IGSF8: variants seen among roughly 807,000 people sequenced by gnomAD.
IGSF8 encodes the protein CD81 partner 3.
A neutral mutation model predicts 55.5 loss-of-function variants in IGSF8; 46 were observed. The ratio of observed to expected loss-of-function variants is 0.83; its 90% CI spans 0.65 to 1.06. The LOEUF (loss-of-function observed/expected upper bound fraction) is 1.06. Among genes scored for constraint, IGSF8 ranks in the 50% least tolerant of loss-of-function variants. The pLI, the probability that IGSF8 is intolerant of heterozygous loss-of-function variation, is 0.00. For synonymous variants in IGSF8, 314 were observed against 356.1 expected (o/e 0.88, Z 1.33); for missense variants, 731 against 832.3 (o/e 0.88, Z 1.50).
At chr1:160,093,583 G>C in intron 3 of IGSF8, 127 bp downstream of exon 3, 1 of 846,080 alleles carries the variant, frequency 1.2e-6, no homozygotes. Context: ...TAGCAAGGCT[G>C]CTCACTCTGT....
chr1:160,096,551 G>A lies in IGSF8; in HGVS notation c.65-1305C>T, dbSNP rs188626217. On this transcript the variant is annotated intron_variant, in intron 1 of 6. Coordinates refer to ENST00000314485, the MANE Select transcript of IGSF8 (RefSeq NM_052868.6). ...CAAACTCTACCCTCCAGCTTCTCTA[G>A]AACGGCTCCTCTGAACTTCCCCACC... is the stretch of plus-strand genomic sequence containing the variant. Among the ~76,000 whole-genome samples the A allele has an allele frequency of 3.9e-5, 6 of 152,326 alleles. No individual in the cohort carries two copies. The East Asian group carries it at 1.2e-3, about 29-fold the overall frequency.
intron 1 of IGSF8, among the ~76,000 whole-genome samples, chr1:160,096,103 C>T (rs994370307): frequency 1.6e-4 from 24 of 152,194 alleles, no homozygotes; most frequent in African/African-American, 5.3e-4. Context: ...TCTCTCCCTT[C>T]AGAAAGGCCA....
Position 160,093,852 on chromosome 1 carries a change from G to A in IGSF8, c.762C>T (p.Arg254=), listed in dbSNP as rs774849330. ...RLGKEGTDRY[R]MVVGGAQAGD... Reference sequence around the variant, plus strand: ...CTGCCTGGGCACCCCCTACTACCATGCGGTACCGATCGGTCCCTTCCTTGC... The same window carrying A: ...CTGCCTGGGCACCCCCTACTACCATACGGTACCGATCGGTCCCTTCCTTGC... The change falls in exon 3 of 7, where the codon CGC becomes CGT. Residue 254 remains arginine (R), a synonymous_variant. Transcript: ENST00000314485. 34 of 1,614,194 alleles carry A rather than the reference G, an allele frequency of 2.1e-5. No homozygotes were observed. The Admixed American group carries it at 2.8e-4, about 13-fold the overall frequency.
At chr1:160,092,230 G>T in intron 5 of IGSF8, 52 bp downstream of exon 5, 1 of 1,558,918 alleles carries the variant, frequency 6.4e-7, no homozygotes, top group African/African-American at 1.4e-5. Flanking sequence ...AAGGCCAGTG[G>T]CAGAGGCCAG....
In IGSF8 at chr1:160,095,211, C is replaced by G. The variant is rs376402367; in HGVS notation, c.100G>C (p.Glu34Gln). 2 of 1,606,528 alleles carry G rather than the reference C, an allele frequency of 1.2e-6. No homozygotes were observed. The highest frequency in any genetic ancestry group is 8.5e-7 in the Non-Finnish European group (1 of 1,179,804). Residue 34 changes from glutamate (E) to glutamine (Q), a missense_variant, in exon 2 of 7, where the codon GAG (glutamate) becomes CAG (glutamine). Glu to Gln is a conservative substitution (Grantham distance 29). Transcript: ENST00000314485. The part of the protein sequence containing the change: ...GCWAREVLVP[E>Q]GPLYRVAGTA... ...CCAGCCACGCGGTACAAGGGCCCCT[C>G]GGGGACCAGCACCTCCCGGGCCCAG... is the stretch of plus-strand genomic sequence containing the variant.
In IGSF8 at chr1:160,093,947, G is replaced by A. The variant is rs149050765; in HGVS notation, c.667C>T (p.Arg223Trp). Reference sequence around the variant, plus strand: ...CCAGCCTCCACGGCCAAGTCTGACCGGATTCCCACCACTTCCTGCAGAGTT... The same window carrying A: ...CCAGCCTCCACGGCCAAGTCTGACCAGATTCCCACCACTTCCTGCAGAGTT... Reference protein sequence around the residue: ...RSTLQEVVGIRSDLAVEAGAP... With the variant: ...RSTLQEVVGIWSDLAVEAGAP... Residue 223 changes from arginine to tryptophan, a missense_variant, in exon 3 of 7, where the codon CGG becomes TGG. Transcript: ENST00000314485. The A allele has an allele frequency of 1.1e-4, 174 of 1,614,238 alleles. 2 individuals are homozygous for A. Among genetic ancestry groups the A allele is most frequent in the Middle Eastern group, 6.6e-4 (4 of 6,062 alleles).
At position 160,094,113 on chromosome 1, in the gene IGSF8, G is replaced by C; in HGVS notation, c.501C>G (p.Ala167=). ...AAPPGPRGRQ[A]PTSPPRMTVH... ...CCGTCATGCGTGGGGGTGAGGTTGG[G>C]GCCTGGCGGCCTCGGGGCCCTGGGG... The change falls in exon 3 of 7, where the codon GCC becomes GCG. Residue 167 remains alanine, a synonymous_variant. Coordinates refer to ENST00000314485, the MANE Select transcript of IGSF8 (RefSeq NM_052868.6). This position sits in a 1 kb window ranked among gnomAD's most constrained non-coding sequence, Gnocchi z 4.0. 1.2e-6 allele frequency: 2 copies of C among 1,609,618 alleles called. No homozygotes were observed. Among genetic ancestry groups the C allele is most frequent in the Non-Finnish European group, 1.7e-6 (2 of 1,179,928 alleles).
Position 160,093,137 on chromosome 1 carries a change from C to A in IGSF8, c.1099G>T (p.Val367Leu). Residue 367 changes from valine to leucine, a missense_variant, in exon 4 of 7, where the codon GTG (valine) becomes TTG (leucine). Coordinates refer to ENST00000314485, the MANE Select transcript of IGSF8 (RefSeq NM_052868.6). Reference protein sequence around the residue: ...RLVAQLDTEGVGSLGPGYEGR... With the variant: ...RLVAQLDTEGLGSLGPGYEGR... ...TCATAGCCAGGGCCCAGGCTGCCCA[C>A]ACCCTCTGTGTCCAGCTGGGCTACC... The A allele has an allele frequency of 6.2e-7, 1 of 1,613,780 alleles. No individual in the cohort carries two copies. The highest frequency in any genetic ancestry group is 1.1e-5 in the South Asian group (1 of 91,030).
Position 160,092,606 on chromosome 1 carries a change from C to T in IGSF8, c.1402G>A (p.Gly468Ser), listed in dbSNP as rs1650058226. The T allele has an allele frequency of 6.2e-7, 1 of 1,606,866 alleles. No homozygotes were observed. Among genetic ancestry groups the T allele is most frequent in the Non-Finnish European group, 8.5e-7 (1 of 1,179,920 alleles). ...ASLLCNISVR[G>S]GPPGLRLAAS... Reference sequence around the variant, plus strand: ...GCCAGCCGCAGTCCTGGGGGGCCACCCCGCACAGAGATGTTGCACAGCAGG... The same window carrying T: ...GCCAGCCGCAGTCCTGGGGGGCCACTCCGCACAGAGATGTTGCACAGCAGG... The change falls in exon 5 of 7, where the codon GGT becomes AGT. Residue 468 changes from glycine (G) to serine (S), a missense_variant. Physicochemically the swap from Gly to Ser is moderately conservative, Grantham distance 56 (BLOSUM62 0). Transcript: ENST00000314485.
chr1:160,098,047 C>G (rs1650560556), intron 1 of IGSF8: 1 of 909,412 alleles, frequency 1.1e-6, no homozygotes, highest in Non-Finnish European at 1.3e-6. Context: ...GGCGGGCACC[C>G]AAGGCCAGGC....
chr1:160,092,219 G>A (rs1023008136), intron 5 of IGSF8, 63 bp downstream of exon 5: 2 of 1,509,808 alleles, frequency 1.3e-6, no homozygotes, highest in African/African-American at 2.7e-5. Context: ...GATGGGAAGG[G>A]AAGGCCAGTG....
rs754306868 is a variant in IGSF8, at chr1:160,094,851, C to T, written c.442+18G>A. 4.4e-6 allele frequency: 7 copies of T among 1,597,228 alleles called. No individual in the cohort carries two copies. The highest frequency in any genetic ancestry group is 2.7e-5 in the African/African-American group (2 of 74,440). ...CTTGAGAGGGTGTGTGGCTCCACCCCGTCCCAGGGCCCAGTACCTCTCAGC... is the reference window on the plus strand; with the variant it reads ...CTTGAGAGGGTGTGTGGCTCCACCCTGTCCCAGGGCCCAGTACCTCTCAGC... On this transcript the variant is annotated intron_variant, in intron 2 of 6. Transcript: ENST00000314485. This position sits in a 1 kb window ranked among gnomAD's most constrained non-coding sequence, Gnocchi z 4.0.
At position 160,092,319 on chromosome 1, in the gene IGSF8, G is replaced by A. The variant is rs746303576; in HGVS notation, c.1689C>T (p.Ala563=). 1.1e-4 allele frequency: 170 copies of A among 1,614,120 alleles called. No homozygotes were observed. The East Asian group carries it at 3.7e-3, about 35-fold the overall frequency. The stretch of plus-strand genomic sequence containing the variant: ...GGTAGACTGTAACAGGCCCTGAGCG[G>A]GCACTGCCCGCCTGGTACCAGCTGT... ...ADYSWYQAGS[A]RSGPVTVYPY... Residue 563 remains alanine, a synonymous_variant, in exon 5 of 7, where the codon GCC becomes GCT. Coordinates refer to ENST00000314485, the MANE Select transcript of IGSF8 (RefSeq NM_052868.6).
Position 160,091,831 on chromosome 1 carries a change from T to G in IGSF8, c.1834A>C (p.Lys612Gln). The G allele has an allele frequency of 1.2e-6, 2 of 1,612,990 alleles. No homozygotes were observed. The highest frequency in any genetic ancestry group is 1.7e-6 in the Non-Finnish European group (2 of 1,179,052). The change falls in exon 6 of 7, where the codon AAA (lysine) becomes CAA (glutamine). Residue 612 changes from lysine to glutamine, a missense_variant. Transcript: ENST00000314485. The stretch of plus-strand genomic sequence containing the variant: ...ACCTGGGGAGTAAGGGATCACCGTT[T>G]TCGAAGCCTCTTCATGAAGCAGCAA... ...ITCCFMKRLR[K>Q]R
At position 160,091,484 on chromosome 1, in the gene IGSF8, C is replaced by T. The variant is rs1344612637; in HGVS notation, c.*140G>A. The T allele has an allele frequency of 3.0e-5, 8 of 265,428 alleles. No individual in the cohort carries two copies. Among genetic ancestry groups the T allele is most frequent in the East Asian group, 9.1e-5 (1 of 10,938 alleles). The allele number at this position is 265,428 out of a possible 1,614,324, so 16.4% of individuals were successfully genotyped here. A position where few individuals can be genotyped will look rare whatever the true frequency, so the allele number is the denominator to read the frequency against. On this transcript the variant is annotated 3_prime_UTR_variant, in exon 7 of 7. Transcript: ENST00000314485. ...GGGAAGGAGTGGGGAAGGGGAGGCA[C>T]GTCTCCCATTCTGGGTAGTGGGAGG...
At position 160,092,626 on chromosome 1, in the gene IGSF8, A is replaced by G; in HGVS notation, c.1382T>C (p.Leu461Pro). The G allele has an allele frequency of 6.2e-7, 1 of 1,604,836 alleles. No homozygotes were observed. Among genetic ancestry groups the G allele is most frequent in the Non-Finnish European group, 8.5e-7 (1 of 1,179,960 alleles). ...TVYRGETASL[L>P]CNISVRGGPP... The stretch of plus-strand genomic sequence containing the variant: ...GCCACCCCGCACAGAGATGTTGCAC[A>G]GCAGGGAGGCAGTCTCCCCGCGGTA... The change falls in exon 5 of 7, where the codon CTG (leucine) becomes CCG (proline). Residue 461 changes from leucine to proline, a missense_variant. Coordinates refer to ENST00000314485, the MANE Select transcript of IGSF8 (RefSeq NM_052868.6).
Position 160,093,248 on chromosome 1 carries a change from CT to C in IGSF8, c.987del (p.Ala331HisfsTer13), listed in dbSNP as rs1650135956. 1 of 1,614,040 alleles carries C rather than the reference CT, an allele frequency of 6.2e-7. No homozygotes were observed. Among genetic ancestry groups the C allele is most frequent in the Non-Finnish European group, 8.5e-7 (1 of 1,179,912 alleles). On this transcript the variant is annotated frameshift_variant, in exon 4 of 7. Transcript: ENST00000314485. LOFTEE classifies it high-confidence loss of function. ...TGACGGCCTGCTGGGGGAAGTGCCCCTGACACATTGCACAGCAGTTCCAAGG... is the reference window on the plus strand; with the variant it reads ...TGACGGCCTGCTGGGGGAAGTGCCCCGACACATTGCACAGCAGTTCCAAGG... ...GEPLELLCNVSGALPPAGRHA... is the reference protein window; with the variant it reads ...GEPLELLCNVXGALPPAGRHA...
Position 160,094,808 on chromosome 1 carries a change from G to A in IGSF8, c.442+61C>T. 1.3e-6 allele frequency: 2 copies of A among 1,546,526 alleles called. No homozygotes were observed. Among genetic ancestry groups the A allele is most frequent in the African/African-American group, 1.4e-5 (1 of 73,148 alleles). ...TAAGGGGCAACTAGATAGGTCACTT[G>A]TGGCCTTGACTTTCTGCCTTGAGAG... On this transcript the variant is annotated intron_variant, in intron 2 of 6. Transcript: ENST00000314485. This position sits in a 1 kb window ranked among gnomAD's most constrained non-coding sequence, Gnocchi z 4.0.
chr1:160,091,974 C>T, intron 5 of IGSF8, 36 bp from the exon 6 acceptor site: 1 of 1,355,762 alleles, frequency 7.4e-7, no homozygotes, highest in South Asian at 1.2e-5. Context: ...GAGAGGATGC[C>T]ATCATCCTCC....
Sources: gnomAD v4.1 joint callset for allele counts (sites outside exome capture counted in the v4.1 genomes callset) on GRCh38, gnomAD v4.1.1 for gene constraint, Gnocchi (gnomAD v3.1) non-coding constraint, MANE v1.5 for transcripts, NCBI Gene and HGNC (gene_info 2026-07-23, HGNC 2026-07-21) for gene names.